The following MYRIP variants were observed in gnomAD, a reference collection of about 807,000 sequenced individuals.
The protein encoded by MYRIP is myosin VIIA and Rab interacting protein, also known as rab effector MyRIP.
A neutral mutation model predicts 98.0 loss-of-function variants in MYRIP; 49 were observed. The ratio of observed to expected loss-of-function variants is 0.50; its 90% CI spans 0.40 to 0.63. The LOEUF is 0.63. Among genes scored for constraint, MYRIP ranks in the 30% least tolerant of loss-of-function variants. The pLI is 0.00. For missense variants in MYRIP, 1,004 were observed against 1,058.2 expected (o/e 0.95, Z 0.71); for synonymous variants, 404 against 409.5 (o/e 0.99, Z 0.16).
chr3:39,814,547 A>G (rs1475468458), intron 1 of MYRIP, among the ~76,000 whole-genome samples: 1 of 152,178 alleles, frequency 6.6e-6, no homozygotes, highest in African/African-American at 2.4e-5. Context: ...GTATCATTTA[A>G]TGAATAGTTT....
intron 1 of MYRIP, among the ~76,000 whole-genome samples, chr3:39,855,204 G>A (rs1942249086): frequency 6.6e-6 from 1 of 152,188 alleles, no homozygotes; most frequent in Non-Finnish European, 1.5e-5. Flanking sequence ...ATTAGGTATT[G>A]TCTTCTTCCT....
chr3:40,192,328 C>CATATATATATGTCT (rs1559444976), intron 10 of MYRIP, among the ~76,000 whole-genome samples: 1 of 37,844 alleles, frequency 2.6e-5, no homozygotes, highest in East Asian at 7.5e-4. Context: ...ATATATATGT[C>CATATATATATGTCT]ATATATATAT....
At chr3:40,013,965 C>T (rs928893949) in intron 2 of MYRIP, among the ~76,000 whole-genome samples, 16 of 152,276 alleles carry the variant, frequency 1.1e-4, no homozygotes, top group South Asian at 4.2e-4. Flanking sequence ...CCAGTGCCAG[C>T]GGCACTAAAA....
intron 3 of MYRIP, among the ~76,000 whole-genome samples, chr3:40,074,761 TAAAACTCAACCATAA>T (rs1948307197): frequency 1.3e-5 from 2 of 152,096 alleles, no homozygotes; most frequent in African/African-American, 4.8e-5. Flanking sequence ...AAAGAACTCT[TAAAACTCAACCATAA>T]GAAAACAACC....
chr3:40,222,929 G>T (rs1041329774), intron 11 of MYRIP, among the ~76,000 whole-genome samples: 3 of 152,166 alleles, frequency 2.0e-5, no homozygotes, highest in Non-Finnish European at 1.5e-5. Context: ...TGAGATTTAC[G>T]GTGGAACTTC....
intron 1 of MYRIP, among the ~76,000 whole-genome samples, chr3:39,812,358 A>G (rs778961222): frequency 1.3e-5 from 2 of 152,230 alleles, no homozygotes; most frequent in African/African-American, 4.8e-5. Flanking sequence ...GCAATCCAAG[A>G]GTAGTTATAC....
chr3:40,129,203 G>A (rs1434558613), intron 3 of MYRIP, among the ~76,000 whole-genome samples: 1 of 151,682 alleles, frequency 6.6e-6, no homozygotes, highest in Non-Finnish European at 1.5e-5. Context: ...TTGGGAGGCT[G>A]AGGCAGGCAG....
intron 1 of MYRIP, among the ~76,000 whole-genome samples, chr3:39,838,590 G>A (rs1232511935): frequency 6.6e-6 from 1 of 152,146 alleles, no homozygotes; most frequent in Admixed American, 6.5e-5. Flanking sequence ...GCCTTTTAAT[G>A]TGCTGCTGGA....
At chr3:40,252,271 G>T (rs758456981) in intron 16 of MYRIP, among the ~76,000 whole-genome samples, 3 of 152,044 alleles carry the variant, frequency 2.0e-5, no homozygotes, top group African/African-American at 4.8e-5. Context: ...AACTTTCTAC[G>T]CAAGTATAGA....
chr3:39,997,768 C>T (rs923442538), intron 2 of MYRIP, among the ~76,000 whole-genome samples: 7 of 152,098 alleles, frequency 4.6e-5, no homozygotes, highest in African/African-American at 1.2e-4. Flanking sequence ...TAATGAACAT[C>T]GATGCAAAAA....
At chr3:39,952,645 C>CGTA (rs1179819949) in intron 2 of MYRIP, among the ~76,000 whole-genome samples, 1 of 151,974 alleles carries the variant, frequency 6.6e-6, no homozygotes, top group Non-Finnish European at 1.5e-5. Context: ...AGGCTAATAC[C>CGTA]GCCTCATAGA....
chr3:39,860,670 C>A (rs1942440876), intron 1 of MYRIP, among the ~76,000 whole-genome samples: 1 of 152,150 alleles, frequency 6.6e-6, no homozygotes, highest in Non-Finnish European at 1.5e-5. Context: ...AGAGCTCCAG[C>A]AAAGTGGCCC....
chr3:40,128,783 A>C (rs1183114644), intron 3 of MYRIP, among the ~76,000 whole-genome samples: 3 of 152,216 alleles, frequency 2.0e-5, no homozygotes, highest in Non-Finnish European at 2.9e-5. Flanking sequence ...TTTTTCATAA[A>C]TCATCAAGGT....
At chr3:39,857,295 G>A (rs975299353) in intron 1 of MYRIP, among the ~76,000 whole-genome samples, 1 of 108,012 alleles carries the variant, frequency 9.3e-6, no homozygotes, top group African/African-American at 4.0e-5. Context: ...GAGTATCTAT[G>A]AACCGATTGA....
At chr3:40,121,117 G>A (rs1949395524) in intron 3 of MYRIP, among the ~76,000 whole-genome samples, 1 of 152,146 alleles carries the variant, frequency 6.6e-6, no homozygotes, top group South Asian at 2.1e-4. Context: ...TTGAGAGCCA[G>A]ATAGAGACAG....
chr3:39,994,591 C>T (rs1192600790), intron 2 of MYRIP, among the ~76,000 whole-genome samples: 2 of 152,228 alleles, frequency 1.3e-5, no homozygotes, highest in South Asian at 2.1e-4. Flanking sequence ...CTGCCTGCCT[C>T]TGTAGACTCC....
intron 8 of MYRIP, among the ~76,000 whole-genome samples, chr3:40,180,528 A>T (rs1950860537): frequency 6.6e-6 from 1 of 152,192 alleles, no homozygotes; most frequent in Non-Finnish European, 1.5e-5. Flanking sequence ...GAAGGGGGCA[A>T]TTGGTAGATT....
intron 10 of MYRIP, among the ~76,000 whole-genome samples, chr3:40,203,990 ATTATATATATTATATATT>A (rs1559451296): frequency 0.53 from 2,265 of 4,286 alleles, 457 homozygotes; most frequent in Admixed American, 0.55. Flanking sequence ...TATAATATAT[ATTATATATATTATATATT>A]ATATATAATA....
At chr3:39,958,530 A>C (rs570060107) in intron 2 of MYRIP, among the ~76,000 whole-genome samples, 1 of 152,216 alleles carries the variant, frequency 6.6e-6, no homozygotes, top group Non-Finnish European at 1.5e-5. Flanking sequence ...AAATTAACTC[A>C]AGATGGATTA....
Sources: allele counts gnomAD v4.1 joint callset (sites outside exome capture counted in the v4.1 genomes callset), GRCh38; gene constraint gnomAD v4.1.1; transcripts MANE v1.5; gene names NCBI Gene and HGNC (gene_info 2026-07-23, HGNC 2026-07-21).